Variants in CD5 observed in about 807,000 individuals in gnomAD.
CD5 encodes T-cell surface glycoprotein CD5.
Under a neutral mutation model 60.3 loss-of-function variants are expected in CD5, and 36 were observed. The ratio of observed to expected loss-of-function variants is 0.60; its 90% CI spans 0.46 to 0.79. The LOEUF is 0.79. CD5 is among the 30% of genes least tolerant of loss of function. The pLI is 0.00. For missense variants in CD5, 540 were observed against 630.6 expected, an observed-to-expected ratio of 0.86 and a Z score of 1.54; for synonymous variants, 230 against 257.6, an observed-to-expected ratio of 0.89 and a Z score of 1.03.
intron 5 of CD5, among the ~76,000 whole-genome samples, chr11:61,121,270 C>A (rs752265400): frequency 1.3e-5 from 2 of 152,210 alleles, no homozygotes; most frequent in Non-Finnish European, 2.9e-5. Flanking sequence ...CTAGGTGGAG[C>A]CTATTTCCCA....
At chr11:61,101,242 T>A (rs1228995567), upstream of CD5, among the ~76,000 whole-genome samples, 1 of 61,640 alleles carries the variant, frequency 1.6e-5, no homozygotes, top group African/African-American at 6.1e-5. Context: ...GAGATCACAT[T>A]CACACACATC....
chr11:61,121,993 C>T, intron 6 of CD5, 89 bp downstream of exon 6: 2 of 1,207,142 alleles, frequency 1.7e-6, no homozygotes, highest in Middle Eastern at 4.2e-4. Flanking sequence ...AAGGGAAGCC[C>T]TGGGGAGCTA....
intron 2 of CD5, 51 bp downstream of exon 2, chr11:61,115,145 T>A: frequency 6.6e-7 from 1 of 1,511,276 alleles, no homozygotes; most frequent in Non-Finnish European, 9.0e-7. Flanking sequence ...AGAGTGGGGC[T>A]GTGGTTTCAT....
chr11:61,112,099 G>T (rs560655974), intron 1 of CD5, among the ~76,000 whole-genome samples: 3 of 152,194 alleles, frequency 2.0e-5, no homozygotes, highest in African/African-American at 7.2e-5. Flanking sequence ...GCACTGAAGG[G>T]CAGATATTTG....
chr11:61,120,247 G>GGGAGAAAC (rs1357817630), intron 5 of CD5, among the ~76,000 whole-genome samples: 1 of 152,184 alleles, frequency 6.6e-6, no homozygotes, highest in Non-Finnish European at 1.5e-5. Context: ...CTGAAACGAA[G>GGGAGAAAC]GGAGAAACGG....
At chr11:61,110,914 G>A (rs1860846428) in intron 1 of CD5, among the ~76,000 whole-genome samples, 2 of 152,158 alleles carry the variant, frequency 1.3e-5, no homozygotes, top group South Asian at 4.1e-4. Flanking sequence ...TGATGGTGAC[G>A]GTGATAGAGA....
intron 1 of CD5, among the ~76,000 whole-genome samples, chr11:61,103,645 TTG>T (rs1860733738): frequency 7.6e-6 from 1 of 130,938 alleles, no homozygotes; most frequent in Non-Finnish European, 1.6e-5. Context: ...GAGAACTGTG[TTG>T]GGGGGTAATG....
intron 2 of CD5, among the ~76,000 whole-genome samples, chr11:61,115,503 G>A (rs75279680): frequency 0.038 from 5,773 of 152,216 alleles, 239 homozygotes; most frequent in African/African-American, 0.099. Context: ...TGTGTGGAAC[G>A]TCCAGCCTTA....
intron 8 of CD5, 57 bp from the exon 9 acceptor site, chr11:61,124,975 G>A: frequency 6.2e-7 from 1 of 1,609,840 alleles, no homozygotes; most frequent in Middle Eastern, 1.7e-4. Flanking sequence ...CACCTGCTGG[G>A]GAAGGAGACG....
At chr11:61,099,505 ACACACACATCAACATGGAGATCACATTCG>A (rs1860628741), upstream of CD5, among the ~76,000 whole-genome samples, 1 of 151,070 alleles carries the variant, frequency 6.6e-6, no homozygotes, top group African/African-American at 2.4e-5. Flanking sequence ...TGGAGATCAC[ACACACACATCAACATGGAGATCACATTCG>A]CACACATCAA....
At chr11:61,119,678 A>G in intron 5 of CD5, 103 bp downstream of exon 5, 1 of 806,180 alleles carries the variant, frequency 1.2e-6, no homozygotes, top group Non-Finnish European at 1.9e-6. Flanking sequence ...ACAGGGCACT[A>G]TGGAGAATAC....
chr11:61,102,898 G>T (rs372972626), intron 1 of CD5, among the ~76,000 whole-genome samples: 153 of 152,326 alleles, frequency 1.0e-3, no homozygotes, highest in Non-Finnish European at 1.8e-3. Flanking sequence ...GGGGGGACCC[G>T]CATTTGATGG....
At chr11:61,101,342 T>A (rs1482966819), upstream of CD5, among the ~76,000 whole-genome samples, 7 of 35,646 alleles carry the variant, frequency 2.0e-4, no homozygotes, top group East Asian at 5.2e-3. Context: ...GAGATCACAT[T>A]CACACACATC....
intron 1 of CD5, among the ~76,000 whole-genome samples, chr11:61,111,827 G>C (rs774262926): frequency 3.3e-5 from 5 of 152,340 alleles, no homozygotes; most frequent in Non-Finnish European, 7.3e-5. Context: ...CCACAGATCA[G>C]TAGCACCAGC....
upstream of CD5, among the ~76,000 whole-genome samples, chr11:61,100,590 TCAACATGGAGATCACACACA>T (rs1860657895): frequency 1.1e-4 from 7 of 61,726 alleles, no homozygotes; most frequent in Admixed American, 1.8e-4. Context: ...CACACACACA[TCAACATGGAGATCACACACA>T]CAACATGGAG....
At chr11:61,108,528 G>A (rs757110679) in intron 1 of CD5, among the ~76,000 whole-genome samples, 5 of 152,156 alleles carry the variant, frequency 3.3e-5, no homozygotes, top group South Asian at 4.1e-4. Flanking sequence ...TACGACCTTC[G>A]TTTCCCTAAA....
Position 61,107,011 on chromosome 11 carries a change from TAGTC to T in CD5, c.55+4399_55+4402del, listed in dbSNP as rs1325263050. ...CCCTGCCCTGGTGGATCTGGCATAA[TAGTC>T]AGGGTGTGATGGGGAGACAAACAAG... On this transcript the variant is annotated intron_variant, in intron 1 of 10. Transcript: ENST00000347785. 3.9e-5 allele frequency among the ~76,000 whole-genome samples: 6 copies of T among 152,142 alleles called. No individual in the cohort carries two copies. The East Asian group carries it at 5.8e-4, about 15-fold the overall frequency.
chr11:61,100,187 T>C (rs1426532135), upstream of CD5, among the ~76,000 whole-genome samples: 2 of 124,218 alleles, frequency 1.6e-5, no homozygotes, highest in Non-Finnish European at 3.2e-5. Flanking sequence ...CACATCAACA[T>C]GGAGATCACA....
rs1482976881 is a variant in CD5, at chr11:61,118,434, C to A, written c.354C>A (p.Ser118Arg). ...AACTGGGCTCCTTCTCCAACTGCAG[C>A]CACAGCAGAAATGACATGTGTCACT... is the stretch of plus-strand genomic sequence containing the variant. ...YGQLGSFSNCSHSRNDMCHSL... is the reference protein window; with the variant it reads ...YGQLGSFSNCRHSRNDMCHSL... The change falls in exon 3 of 11, where the codon AGC becomes AGA. Residue 118 changes from serine to arginine, a missense_variant. Ser to Arg is a moderately radical substitution (Grantham distance 110). Transcript: ENST00000347785. The surrounding 1 kb of genome is among the most constrained non-coding windows in gnomAD (Gnocchi z 4.7). The A allele has an allele frequency of 3.0e-5, 48 of 1,614,268 alleles. No individual in the cohort carries two copies. Among genetic ancestry groups the A allele is most frequent in the Non-Finnish European group, 3.9e-5 (46 of 1,180,044 alleles).
Sources: gnomAD v4.1 joint callset for allele counts (sites outside exome capture counted in the v4.1 genomes callset) on GRCh38, gnomAD v4.1.1 for gene constraint, Gnocchi (gnomAD v3.1) non-coding constraint, MANE v1.5 for transcripts, NCBI Gene and HGNC (gene_info 2026-07-23, HGNC 2026-07-21) for gene names.